The following KLHL15 variants were observed in gnomAD, a reference collection of about 807,000 sequenced individuals.
KLHL15 encodes the protein kelch like family member 15, also known as kelch-like protein 15.
Under a neutral mutation model 29.3 loss-of-function variants are expected in KLHL15, and 1 was observed. The ratio of observed to expected loss-of-function variants is 0.03; its 90% CI spans 0.01 to 0.16. The LOEUF is 0.16. Among genes scored for constraint, KLHL15 ranks in the 10% least tolerant of loss-of-function variants. The pLI, the probability that KLHL15 is intolerant of heterozygous loss-of-function variation, is 1.00. For missense variants in KLHL15, 215 were observed against 478.5 expected, an observed-to-expected ratio of 0.45 and a Z score of 5.14; for synonymous variants, 212 against 184.5, an observed-to-expected ratio of 1.15 and a Z score of -1.21.
chrX:24,023,018 A>T (rs1929845254), intron 2 of KLHL15, among the ~76,000 whole-genome samples: 1 of 111,798 alleles, frequency 8.9e-6, no homozygotes, highest in African/African-American at 3.2e-5. Context: ...TACAGGCCTG[A>T]GCCACCGCTC....
In KLHL15 at chrX:23,987,704, G is replaced by C; in HGVS notation, c.*217C>G. ...GCATTCTATTCAACTGCTTCTGGAA[G>C]TAGTTTCAAGAGCTAGCACTTAGAA... On this transcript the variant is annotated 3_prime_UTR_variant, in exon 4 of 4. Transcript: ENST00000328046. 2.8e-6 allele frequency: 1 copy of C among 353,605 alleles called. No individual in the cohort carries two copies. Among genetic ancestry groups the C allele is most frequent in the Non-Finnish European group, 4.9e-6 (1 of 204,958 alleles). The allele number at this position is 353,605 out of a possible 1,213,427, so 29.1% of individuals were successfully genotyped here. A position where few individuals can be genotyped will look rare whatever the true frequency, so the allele number is the denominator to read the frequency against.
At chrX:23,991,092 C>T (rs1409298803) in intron 3 of KLHL15, among the ~76,000 whole-genome samples, 2 of 110,125 alleles carry the variant, frequency 1.8e-5, no homozygotes, top group Non-Finnish European at 3.8e-5. Context: ...GTGGCTCATG[C>T]CTGTAATCTC....
intron 2 of KLHL15, among the ~76,000 whole-genome samples, chrX:24,014,787 T>G (rs1248870540): frequency 8.9e-6 from 1 of 111,994 alleles, no homozygotes; most frequent in Non-Finnish European, 1.9e-5. Flanking sequence ...CTCGTGGTCA[T>G]ACAGGAGTGG....
At chrX:24,010,061 G>A (rs1929544207) in intron 2 of KLHL15, among the ~76,000 whole-genome samples, 1 of 107,161 alleles carries the variant, frequency 9.3e-6, no homozygotes, top group African/African-American at 3.4e-5. Context: ...GTTCACATAA[G>A]ATCAGCCATC....
At position 23,987,851 on chromosome X, in the gene KLHL15, T is replaced by C. The variant is rs1929012907; in HGVS notation, c.*70A>G. The C allele has an allele frequency of 5.0e-6, 5 of 995,852 alleles. No individual in the cohort carries two copies. The highest frequency in any genetic ancestry group is 5.5e-6 in the Non-Finnish European group (4 of 732,881). The allele number at this position is 995,852 out of a possible 1,213,427, so 82.1% of individuals were successfully genotyped here. A position where few individuals can be genotyped will look rare whatever the true frequency, so the allele number is the denominator to read the frequency against. On this transcript the variant is annotated 3_prime_UTR_variant, in exon 4 of 4. Coordinates refer to ENST00000328046, the MANE Select transcript of KLHL15 (RefSeq NM_030624.3). ...GTAAAACTGGTGAGGTTTTTCTTTA[T>C]ATGTTTTAATTAATTACTCTGTGCA...
intron 3 of KLHL15, among the ~76,000 whole-genome samples, chrX:23,995,774 C>T (rs972363357): frequency 1.0e-4 from 11 of 109,671 alleles, no homozygotes; most frequent in African/African-American, 3.0e-4. Flanking sequence ...AAAATTGAGA[C>T]GGATTTCACT....
intron 1 of KLHL15, 93 bp downstream of exon 1, chrX:24,027,047 G>A (rs748964207): frequency 1.4e-3 from 153 of 112,255 alleles, no homozygotes; most frequent in African/African-American, 4.7e-3. Context: ...ATATTTAAAT[G>A]TTCATGCATT....
chrX:24,025,451 G>GC (rs1462018871), intron 1 of KLHL15, among the ~76,000 whole-genome samples: 5 of 105,962 alleles, frequency 4.7e-5, no homozygotes, highest in Admixed American at 9.7e-5. Flanking sequence ...CGCCCAGGGA[G>GC]GCGGGGCTGG....
At chrX:24,009,821 C>T (rs1415548038) in intron 2 of KLHL15, among the ~76,000 whole-genome samples, 1 of 108,227 alleles carries the variant, frequency 9.2e-6, no homozygotes, top group Non-Finnish European at 1.9e-5. Flanking sequence ...GAAACCTCCT[C>T]TCTACTAAAA....
intron 3 of KLHL15, among the ~76,000 whole-genome samples, chrX:23,991,310 G>A (rs548915436): frequency 2.0e-5 from 2 of 99,784 alleles, no homozygotes; most frequent in African/African-American, 3.9e-5. Context: ...CTGAGATTGC[G>A]CCATTGCACT....
chrX:24,018,775 G>A (rs1337244298), intron 2 of KLHL15, among the ~76,000 whole-genome samples: 1 of 111,384 alleles, frequency 9.0e-6, no homozygotes, highest in African/African-American at 3.3e-5. Flanking sequence ...GTAGAGGTGG[G>A]CTGATCACTT....
At chrX:23,995,972 C>G (rs1029078055) in intron 3 of KLHL15, among the ~76,000 whole-genome samples, 1 of 110,290 alleles carries the variant, frequency 9.1e-6, no homozygotes, top group Non-Finnish European at 1.9e-5. Flanking sequence ...TGGTCTCGAA[C>G]TCCTAACCTC....
At chrX:24,008,647 G>A (rs935907813) in intron 2 of KLHL15, among the ~76,000 whole-genome samples, 25 of 109,582 alleles carry the variant, frequency 2.3e-4, no homozygotes, top group African/African-American at 7.7e-4. Context: ...CACAGCTCCC[G>A]GCTTCCTCCC....
chrX:24,009,989 CAAAAAA>C (rs767433599), intron 2 of KLHL15, among the ~76,000 whole-genome samples: 1 of 61,300 alleles, frequency 1.6e-5, no homozygotes, highest in Non-Finnish European at 3.0e-5. Flanking sequence ...GACTCCATCT[CAAAAAA>C]AAAAAAAAAA....
chrX:24,025,284 G>A (rs902021923), intron 1 of KLHL15, among the ~76,000 whole-genome samples: 5 of 109,557 alleles, frequency 4.6e-5, no homozygotes, highest in African/African-American at 1.6e-4. Flanking sequence ...GCGTCTCTGG[G>A]CTTCTGCCCC....
Position 23,987,278 on chromosome X carries a change from T to G in KLHL15, c.*643A>C, listed in dbSNP as rs990498727. ...AAGTAAGTGCACTAGCTTAAAAATA[T>G]AGAATCCTAACCACGCATAAAAGGG... On this transcript the variant is annotated 3_prime_UTR_variant, in exon 4 of 4. Coordinates refer to ENST00000328046, the MANE Select transcript of KLHL15 (RefSeq NM_030624.3). 8.9e-6 allele frequency: 1 copy of G among 112,229 alleles called. No homozygotes were observed. Among genetic ancestry groups the G allele is most frequent in the African/African-American group, 3.2e-5 (1 of 30,971 alleles). The allele number at this position is 112,229 out of a possible 1,213,427, so 9.2% of individuals were successfully genotyped here. A position where few individuals can be genotyped will look rare whatever the true frequency, so the allele number is the denominator to read the frequency against.
At chrX:23,994,905 G>C (rs1195945384) in intron 3 of KLHL15, among the ~76,000 whole-genome samples, 1 of 111,189 alleles carries the variant, frequency 9.0e-6, no homozygotes, top group Non-Finnish European at 1.9e-5. Flanking sequence ...TTAAAATCCT[G>C]AGCTGAAGTG....
chrX:24,010,129 T>C (rs1159132391), intron 2 of KLHL15, among the ~76,000 whole-genome samples: 1 of 111,239 alleles, frequency 9.0e-6, no homozygotes, highest in African/African-American at 3.3e-5. Context: ...TCCCCACTTA[T>C]TCCATTGCAA....
chrX:23,998,184 A>T (rs1426609883), intron 3 of KLHL15, among the ~76,000 whole-genome samples: 1 of 110,779 alleles, frequency 9.0e-6, no homozygotes, highest in East Asian at 2.8e-4. Flanking sequence ...GCTGGTCTCG[A>T]ACTCCTGACC....
Sources: allele counts gnomAD v4.1 joint callset (sites outside exome capture counted in the v4.1 genomes callset), GRCh38; gene constraint gnomAD v4.1.1; transcripts MANE v1.5; gene names NCBI Gene and HGNC (gene_info 2026-07-23, HGNC 2026-07-21).